The following DUSP5 variants were observed in gnomAD, a reference collection of about 807,000 sequenced individuals.
DUSP5 encodes dual specificity protein phosphatase 5.
DUSP5 carries 22 observed loss-of-function variants against 33.6 expected under a neutral mutation model. The ratio of observed to expected loss-of-function variants is 0.66; its 90% CI spans 0.47 to 0.94. The LOEUF is 0.94. Ranked by LOEUF, DUSP5 falls within the 40% of genes least tolerant of loss-of-function variation. The pLI, the probability that DUSP5 is intolerant of heterozygous loss-of-function variation, is 0.00. For synonymous variants in DUSP5, 270 were observed against 231.1 expected, an observed-to-expected ratio of 1.17 and a Z score of -1.53; for missense variants, 551 against 522.1, an observed-to-expected ratio of 1.06 and a Z score of -0.54.
intron 1 of DUSP5, among the ~76,000 whole-genome samples, chr10:110,499,169 A>ACAGC (rs771561199): frequency 1.2e-4 from 18 of 151,718 alleles, no homozygotes; most frequent in Non-Finnish European, 2.1e-4. Flanking sequence ...AGCTGAGCCT[A>ACAGC]CAGCCAGCCA....
In DUSP5 at chr10:110,511,145, G is replaced by GA. The variant is rs1490479379; in HGVS notation, c.*723dup. On this transcript the variant is annotated 3_prime_UTR_variant, in exon 4 of 4. Transcript: ENST00000369583. The stretch of plus-strand genomic sequence containing the variant: ...CTTCTCAGAGCAACTCTTCCTTTGG[G>GA]AAAAGAGTTCTTCAGATCATAGACC... The GA allele has an allele frequency of 1.3e-5, 2 of 152,622 alleles. No individual in the cohort carries two copies. Among genetic ancestry groups the GA allele is most frequent in the Admixed American group, 1.3e-4 (2 of 15,280 alleles). The allele number at this position is 152,622 out of a possible 1,614,324, so 9.5% of individuals were successfully genotyped here.
In DUSP5 at chr10:110,498,236, G is replaced by A; in HGVS notation, c.115G>A (p.Val39Met). The part of the protein sequence containing the change: ...RPYLAFAASN[V>M]RGSLNVNLNS... ...CTATCTGGCCTTCGCTGCCTCGAACGTGCGCGGCTCGCTCAACGTCAACCT... is the reference window on the plus strand; with the variant it reads ...CTATCTGGCCTTCGCTGCCTCGAACATGCGCGGCTCGCTCAACGTCAACCT... Residue 39 changes from valine to methionine, a missense_variant, in exon 1 of 4, where the codon GTG (valine) becomes ATG (methionine). Around this residue, in one of 3 missense-constraint regions of DUSP5, gnomAD observed 381 missense variants for 310.4 expected, o/e 1.23. Transcript: ENST00000369583. The A allele has an allele frequency of 1.3e-6, 2 of 1,507,474 alleles. No individual in the cohort carries two copies. Among genetic ancestry groups the A allele is most frequent in the Non-Finnish European group, 1.8e-6 (2 of 1,126,924 alleles). 93.4% of individuals were successfully genotyped at this position (1,507,474 alleles called of 1,614,324 possible). A position where few individuals can be genotyped will look rare whatever the true frequency, so the allele number is the denominator to read the frequency against.
intron 1 of DUSP5, among the ~76,000 whole-genome samples, chr10:110,502,231 A>T (rs1270850045): frequency 6.6e-6 from 1 of 152,150 alleles, no homozygotes; most frequent in Non-Finnish European, 1.5e-5. Flanking sequence ...GTCGAAATGA[A>T]ACCTCGTATC....
At position 110,498,232 on chromosome 10, in the gene DUSP5, G is replaced by T; in HGVS notation, c.111G>T (p.Ser37=). Residue 37 remains serine, a synonymous_variant, in exon 1 of 4, where the codon TCG becomes TCT. Transcript: ENST00000369583. The part of the protein sequence containing the change: ...DCRPYLAFAA[S]NVRGSLNVNL... Reference sequence around the variant, plus strand: ...GGCCCTATCTGGCCTTCGCTGCCTCGAACGTGCGCGGCTCGCTCAACGTCA... The same window carrying T: ...GGCCCTATCTGGCCTTCGCTGCCTCTAACGTGCGCGGCTCGCTCAACGTCA... 6.6e-7 allele frequency: 1 copy of T among 1,509,046 alleles called. No homozygotes were observed. Among genetic ancestry groups the T allele is most frequent in the Middle Eastern group, 1.8e-4 (1 of 5,702 alleles). The allele number at this position is 1,509,046 out of a possible 1,614,324, so 93.5% of individuals were successfully genotyped here. A position where few individuals can be genotyped will look rare whatever the true frequency, so the allele number is the denominator to read the frequency against.
chr10:110,498,050 G>T lies in DUSP5; in HGVS notation c.-72G>T, dbSNP rs1008955120. Reference sequence around the variant, plus strand: ...CCGTGCCTCGCCCGCGGACACCCTGGCCGTGGACACCCTGGCCGTGGGCAC... The same window carrying T: ...CCGTGCCTCGCCCGCGGACACCCTGTCCGTGGACACCCTGGCCGTGGGCAC... On this transcript the variant is annotated 5_prime_UTR_variant, in exon 1 of 4. Transcript: ENST00000369583. 3 of 1,083,174 alleles carry T rather than the reference G, an allele frequency of 2.8e-6. No homozygotes were observed. Among genetic ancestry groups the T allele is most frequent in the Non-Finnish European group, 3.3e-6 (3 of 897,664 alleles). The allele number at this position is 1,083,174 out of a possible 1,614,324, so 67.1% of individuals were successfully genotyped here. A position where few individuals can be genotyped will look rare whatever the true frequency, so the allele number is the denominator to read the frequency against.
intron 3 of DUSP5, among the ~76,000 whole-genome samples, chr10:110,509,773 G>A (rs769414597): frequency 2.1e-4 from 32 of 152,190 alleles, no homozygotes; most frequent in Non-Finnish European, 3.5e-4. Flanking sequence ...GTGTGCTTAT[G>A]TCTCTTGTGA....
chr10:110,500,334 G>A (rs1860028638), intron 1 of DUSP5, among the ~76,000 whole-genome samples: 1 of 152,160 alleles, frequency 6.6e-6, no homozygotes, highest in Admixed American at 6.5e-5. Flanking sequence ...CCTTCTCCAT[G>A]TGCTCTTGCG....
intron 1 of DUSP5, among the ~76,000 whole-genome samples, chr10:110,498,852 G>T (rs1480301686): frequency 1.3e-5 from 2 of 152,028 alleles, no homozygotes; most frequent in Non-Finnish European, 2.9e-5. Context: ...CTGGGGTCAG[G>T]GCTCGGGGCC....
rs774930474 is a variant in DUSP5 at position 110,498,241 on chromosome 10, C to T, written c.120C>T (p.Arg40=). 28 of 1,506,236 alleles carry T rather than the reference C, an allele frequency of 1.9e-5. No individual in the cohort carries two copies. Among genetic ancestry groups the T allele is most frequent in the Non-Finnish European group, 2.2e-5 (25 of 1,126,232 alleles). 93.3% of individuals were successfully genotyped at this position (1,506,236 alleles called of 1,614,324 possible). The change falls in exon 1 of 4, where the codon CGC becomes CGT. Residue 40 remains arginine (R), a synonymous_variant. Transcript: ENST00000369583. The stretch of plus-strand genomic sequence containing the variant: ...TGGCCTTCGCTGCCTCGAACGTGCG[C>T]GGCTCGCTCAACGTCAACCTCAACT... The part of the protein sequence containing the change: ...PYLAFAASNV[R]GSLNVNLNSV...
At position 110,498,050 on chromosome 10, in the gene DUSP5, G is replaced by A. The variant is rs1008955120; in HGVS notation, c.-72G>A. ...CCGTGCCTCGCCCGCGGACACCCTG[G>A]CCGTGGACACCCTGGCCGTGGGCAC... is the stretch of plus-strand genomic sequence containing the variant. On this transcript the variant is annotated 5_prime_UTR_variant, in exon 1 of 4. Transcript: ENST00000369583. 4 of 1,083,284 alleles carry A rather than the reference G, an allele frequency of 3.7e-6. No individual in the cohort carries two copies. The highest frequency in any genetic ancestry group is 1.3e-4 in the East Asian group (2 of 15,694). The allele number at this position is 1,083,284 out of a possible 1,614,324, so 67.1% of individuals were successfully genotyped here. A position where few individuals can be genotyped will look rare whatever the true frequency, so the allele number is the denominator to read the frequency against.
At chr10:110,501,951 G>A (rs1308600535) in intron 1 of DUSP5, among the ~76,000 whole-genome samples, 2 of 143,898 alleles carry the variant, frequency 1.4e-5, no homozygotes, top group Non-Finnish European at 3.0e-5. Flanking sequence ...CATGCCGTAA[G>A]TTGACTTATT....
intron 1 of DUSP5, among the ~76,000 whole-genome samples, chr10:110,501,396 A>G (rs1407332154): frequency 1.3e-5 from 2 of 152,142 alleles, no homozygotes; most frequent in East Asian, 1.9e-4. Context: ...ATCTGGGTGT[A>G]CTAAGTGGGG....
rs145865805 is a variant in DUSP5 at position 110,507,069 on chromosome 10, C to T, written c.663C>T (p.Thr221=). 7,282 of 1,614,226 alleles carry T rather than the reference C, an allele frequency of 4.5e-3. 25 individuals carry two copies. The highest frequency in any genetic ancestry group is 5.4e-3 in the Middle Eastern group (33 of 6,062). Residue 221 remains threonine (T), a synonymous_variant, in exon 3 of 4, where the codon ACC becomes ACT. Transcript: ENST00000369583. ...VSRRTSEACA[T]HLHYKWIPVE... The stretch of plus-strand genomic sequence containing the variant: ...GACGGACCTCCGAGGCCTGCGCGAC[C>T]CACCTACACTACAAATGGATCCCTG...
At chr10:110,505,215 C>T (rs978405203) in intron 2 of DUSP5, among the ~76,000 whole-genome samples, 16 of 152,196 alleles carry the variant, frequency 1.1e-4, no homozygotes, top group African/African-American at 3.6e-4. Context: ...TCTCATGCTA[C>T]GCAATCAGTT....
At position 110,510,900 on chromosome 10, in the gene DUSP5, C is replaced by T. The variant is rs527330809; in HGVS notation, c.*474C>T. 1.7e-4 allele frequency: 27 copies of T among 155,898 alleles called. No individual in the cohort carries two copies. The highest frequency in any genetic ancestry group is 5.0e-4 in the African/African-American group (21 of 41,604). 9.7% of individuals were successfully genotyped at this position (155,898 alleles called of 1,614,324 possible). ...TTGCTTCGGGGCATAAGCTGATCAC[C>T]GTCTAGTTGGGAAAGTAACCCTACA... is the stretch of plus-strand genomic sequence containing the variant. On this transcript the variant is annotated 3_prime_UTR_variant, in exon 4 of 4. Transcript: ENST00000369583.
chr10:110,498,948 C>G (rs547835278), intron 1 of DUSP5, among the ~76,000 whole-genome samples: 13 of 152,338 alleles, frequency 8.5e-5, no homozygotes, highest in African/African-American at 3.1e-4. Context: ...TTCCTCCCGC[C>G]TAGCCAGCTG....
rs980924934 is a variant in DUSP5 at position 110,500,488 on chromosome 10, C to T, written c.379+1988C>T. On this transcript the variant is annotated intron_variant, in intron 1 of 3. Coordinates refer to ENST00000369583, the MANE Select transcript of DUSP5 (RefSeq NM_004419.4). ...GCCAGAGAAAATTTTTATTTCTTTA[C>T]GTAATTCATGTGCAGATAGGAGTTC... Among the ~76,000 whole-genome samples, 4 of 152,268 alleles carry T rather than the reference C, an allele frequency of 2.6e-5. No homozygotes were observed. The South Asian group carries it at 6.2e-4, about 24-fold the overall frequency.
rs751940975 is a variant in DUSP5, at chr10:110,498,253, C to T, written c.132C>T (p.Asn44=). The T allele has an allele frequency of 4.0e-5, 60 of 1,502,600 alleles. No individual in the cohort carries two copies. The Admixed American group carries it at 6.1e-4, about 15-fold the overall frequency. 93.1% of individuals were successfully genotyped at this position (1,502,600 alleles called of 1,614,324 possible). A position where few individuals can be genotyped will look rare whatever the true frequency, so the allele number is the denominator to read the frequency against. Residue 44 remains asparagine (N), a synonymous_variant, in exon 1 of 4, where the codon AAC becomes AAT. Transcript: ENST00000369583. Reference sequence around the variant, plus strand: ...CCTCGAACGTGCGCGGCTCGCTCAACGTCAACCTCAACTCGGTGGTGCTGC... The same window carrying T: ...CCTCGAACGTGCGCGGCTCGCTCAATGTCAACCTCAACTCGGTGGTGCTGC... ...FAASNVRGSL[N]VNLNSVVLRR...
intron 1 of DUSP5, among the ~76,000 whole-genome samples, chr10:110,500,464 C>T (rs1590515063): frequency 6.6e-6 from 1 of 152,262 alleles, no homozygotes; most frequent in African/African-American, 2.4e-5. Flanking sequence ...TAAATTGTTG[C>T]CAGAGAAAAT....
Sources: gnomAD v4.1 joint callset for allele counts (sites outside exome capture counted in the v4.1 genomes callset) on GRCh38, gnomAD v4.1.1 for gene constraint, gnomAD v4.1.1 regional missense constraint, MANE v1.5 for transcripts, NCBI Gene and HGNC (gene_info 2026-07-23, HGNC 2026-07-21) for gene names.